Variants in GPC2 observed in about 807,000 individuals in gnomAD.
The protein encoded by GPC2 is glypican-2.
In GPC2, 42 loss-of-function variants were observed where a neutral mutation model predicts 57.3. That is an observed-to-expected ratio of 0.73 (90% CI 0.57 to 0.95). The LOEUF (loss-of-function observed/expected upper bound fraction) is 0.95, where lower values mean the gene tolerates loss of function less well. Among genes scored for constraint, GPC2 ranks in the 40% least tolerant of loss-of-function variants. The pLI is 0.00. For missense variants in GPC2, 745 were observed against 793.6 expected, an observed-to-expected ratio of 0.94 and a Z score of 0.74; for synonymous variants, 364 against 343.4, an observed-to-expected ratio of 1.06 and a Z score of -0.66.
chr7:100,171,314 G>A lies in GPC2; in HGVS notation c.1433C>T (p.Thr478Met), dbSNP rs1242645164. Residue 478 changes from threonine (T) to methionine (M), a missense_variant, in exon 9 of 10, where the codon ACG (threonine) becomes ATG (methionine). Around this residue, in one of 2 missense-constraint regions of GPC2, gnomAD observed 607 missense variants for 603.9 expected, o/e 1.01. Coordinates refer to ENST00000292377, the MANE Select transcript of GPC2 (RefSeq NM_152742.3). This position sits in a 1 kb window ranked among gnomAD's most constrained non-coding sequence, Gnocchi z 4.8. ...CAGTGCGGCCGTTTTCATTCTGGCC[G>A]TGGCCGCCCGGAGCTGTAGCCGACG... ...RRRRLQLRAA[T>M]ARMKTAALGH... is the part of the protein sequence containing the mutation. 2 of 1,543,590 alleles carry A rather than the reference G, an allele frequency of 1.3e-6. No individual in the cohort carries two copies. Among genetic ancestry groups the A allele is most frequent in the East Asian group, 5.1e-5 (2 of 39,296 alleles).
At chr7:100,174,999 G>T (rs1413265126) in intron 3 of GPC2, among the ~76,000 whole-genome samples, 1 of 152,094 alleles carries the variant, frequency 6.6e-6, no homozygotes. Flanking sequence ...GTTGTACAGG[G>T]CTTAGAGAGA....
chr7:100,172,338 A>C (rs1439650968), intron 5 of GPC2, 121 bp from the exon 6 acceptor site: 15 of 1,078,722 alleles, frequency 1.4e-5, no homozygotes, highest in Non-Finnish European at 1.7e-5. Context: ...AACTCACATG[A>C]GCTCCCTCTC....
rs1172484757 is a variant in GPC2, at chr7:100,171,576, C to G, written c.1273G>C (p.Glu425Gln). Residue 425 changes from glutamate (E) to glutamine (Q), a missense_variant, in exon 8 of 10, where the codon GAG (glutamate) becomes CAG (glutamine). Physicochemically the swap from Glu to Gln is conservative, Grantham distance 29 (BLOSUM62 2). Transcript: ENST00000292377. The surrounding 1 kb of genome is among the most constrained non-coding windows in gnomAD (Gnocchi z 4.8). ...GCTCCGGTCCAGCAGGGCGCCGCCT[C>G]CAGCGAGGCGTCCGCTGCCATGCGA... ...DSRMAADASL[E>Q]AAPCWTGAGR... The G allele has an allele frequency of 9.3e-6, 14 of 1,505,098 alleles. No individual in the cohort carries two copies. In the South Asian group the frequency reaches 1.4e-4, roughly 15 times the overall value. 93.2% of individuals were successfully genotyped at this position (1,505,098 alleles called of 1,614,324 possible).
At chr7:100,174,853 G>C in intron 3 of GPC2, 88 bp from the exon 4 acceptor site, 2 of 980,490 alleles carry the variant, frequency 2.0e-6, no homozygotes, top group Non-Finnish European at 1.6e-6. Flanking sequence ...CAAGAGCAGT[G>C]AGGGTTGGGT....
intron 1 of GPC2, 140 bp from the exon 2 acceptor site, chr7:100,176,505 A>C: frequency 1.3e-6 from 1 of 743,414 alleles, no homozygotes; most frequent in Non-Finnish European, 2.2e-6. Flanking sequence ...TCCCTACCTG[A>C]ACCTATCCCC....
intron 1 of GPC2, 68 bp from the exon 2 acceptor site, chr7:100,176,433 T>C: frequency 6.8e-7 from 1 of 1,463,066 alleles, no homozygotes; most frequent in South Asian, 1.2e-5. Flanking sequence ...TTCCCGCCTA[T>C]CTCTGGGGAC....
Position 100,172,200 on chromosome 7 carries a change from C to A in GPC2, c.910G>T (p.Ala304Ser), listed in dbSNP as rs1799191575. Residue 304 changes from alanine (A) to serine (S), a missense_variant, in exon 6 of 10, where the codon GCT becomes TCT. Around this residue, in one of 2 missense-constraint regions of GPC2, gnomAD observed 607 missense variants for 603.9 expected, o/e 1.01. Transcript: ENST00000292377. ...GNYLDGLLIL[A>S]DKLQGPFSFE... ...GAAAAGGGGCCCTGGAGCTTATCAG[C>A]CAGGATCAGGAGACCATCTTAAGGG... 1 of 1,613,862 alleles carries A rather than the reference C, an allele frequency of 6.2e-7. No individual in the cohort carries two copies. Among genetic ancestry groups the A allele is most frequent in the Non-Finnish European group, 8.5e-7 (1 of 1,179,972 alleles).
Position 100,173,999 on chromosome 7 carries a change from T to G in GPC2, c.730-2A>C, listed in dbSNP as rs781269078. 6.4e-7 allele frequency: 1 copy of G among 1,567,466 alleles called. No individual in the cohort carries two copies. On this transcript the variant is annotated splice_acceptor_variant, in intron 4 of 9. Transcript: ENST00000292377. LOFTEE classifies it high-confidence loss of function. ...GCTGCAGCCTTCAGACACCGGCACC[T>G]GGGGGCAGAGAGTGGGGCTGTGTCC...
intron 5 of GPC2, among the ~76,000 whole-genome samples, chr7:100,172,701 G>GTATATATATGTA (rs1035816750): frequency 3.5e-5 from 5 of 144,174 alleles, no homozygotes; most frequent in African/African-American, 1.3e-4. Flanking sequence ...ATATATACGT[G>GTATATATATGTA]TATATATATG....
rs1799160779 is a variant in GPC2 at position 100,170,536 on chromosome 7, CAG to C, written c.1487-55_1487-54del. The C allele has an allele frequency of 8.0e-6, 11 of 1,379,232 alleles. No individual in the cohort carries two copies. In the South Asian group the frequency reaches 1.9e-4, roughly 24 times the overall value. The allele number at this position is 1,379,232 out of a possible 1,614,324, so 85.4% of individuals were successfully genotyped here. ...GATGGGAGGGAGAAGCAGAGGGAGACAGAGGGAGGAAAAGAAATTGAGATAAA... is the reference window on the plus strand; with the variant it reads ...GATGGGAGGGAGAAGCAGAGGGAGACAGGGAGGAAAAGAAATTGAGATAAA... On this transcript the variant is annotated intron_variant, in intron 9 of 9. Coordinates refer to ENST00000292377, the MANE Select transcript of GPC2 (RefSeq NM_152742.3).
rs1431239553 is a variant in GPC2, at chr7:100,171,901, C to T, written c.1048G>A (p.Asp350Asn). The change falls in exon 7 of 10, where the codon GAC (aspartate) becomes AAC (asparagine). Residue 350 changes from aspartate to asparagine, a missense_variant. Coordinates refer to ENST00000292377, the MANE Select transcript of GPC2 (RefSeq NM_152742.3). The surrounding 1 kb of genome is among the most constrained non-coding windows in gnomAD (Gnocchi z 4.8). ...CGACGGTTGCGGGCAGGCACCGGGTCGGGGGGGCCGCACTCCTGAAACACC... is the reference window on the plus strand; with the variant it reads ...CGACGGTTGCGGGCAGGCACCGGGTTGGGGGGGCCGCACTCCTGAAACACC... ...AQVFQECGPPDPVPARNRRAP... is the reference protein window; with the variant it reads ...AQVFQECGPPNPVPARNRRAP... 4 of 1,497,792 alleles carry T rather than the reference C, an allele frequency of 2.7e-6. No homozygotes were observed. The East Asian group carries it at 7.3e-5, about 27-fold the overall frequency. 92.8% of individuals were successfully genotyped at this position (1,497,792 alleles called of 1,614,324 possible). A position where few individuals can be genotyped will look rare whatever the true frequency, so the allele number is the denominator to read the frequency against.
At chr7:100,174,189 G>A in intron 4 of GPC2, 192 bp from the exon 5 acceptor site, 2 of 530,766 alleles carry the variant, frequency 3.8e-6, no homozygotes, top group Non-Finnish European at 6.6e-6. Flanking sequence ...TTCGTGGGAG[G>A]GGTGGAAATA....
chr7:100,175,910 G>C lies in GPC2; in HGVS notation c.326-16C>G, dbSNP rs1170402548. 4 of 1,608,124 alleles carry C rather than the reference G, an allele frequency of 2.5e-6. No individual in the cohort carries two copies. Among genetic ancestry groups the C allele is most frequent in the Non-Finnish European group, 3.4e-6 (4 of 1,175,060 alleles). ...AGAAAAAACTCTGCAGCAAATGCAG[G>C]GAACAGGTGGAAGGCAGGTCAGGCC... On this transcript the variant is annotated splice_polypyrimidine_tract_variant and intron_variant, in intron 2 of 9. Coordinates refer to ENST00000292377, the MANE Select transcript of GPC2 (RefSeq NM_152742.3).
In GPC2 at chr7:100,170,352, C is replaced by T. The variant is rs1472525199; in HGVS notation, c.1618G>A (p.Gly540Arg). The T allele has an allele frequency of 6.2e-7, 1 of 1,613,510 alleles. No homozygotes were observed. ...PRRDGSGGKG[G>R]GGSARYNQGR... ...TGGTTGTAGCGGGCACTGCCACCTC[C>T]TCCTTTGCCCCCAGAACCATCCCTT... is the stretch of plus-strand genomic sequence containing the variant. Residue 540 changes from glycine (G) to arginine (R), a missense_variant, in exon 10 of 10, where the codon GGA becomes AGA. Gly to Arg is a moderately radical substitution (Grantham distance 125, BLOSUM62 -2). Around this residue, in one of 2 missense-constraint regions of GPC2, gnomAD observed 607 missense variants for 603.9 expected, o/e 1.01. Transcript: ENST00000292377.
Position 100,176,187 on chromosome 7 carries a change from TG to T in GPC2, c.325+19del. 6.3e-7 allele frequency: 1 copy of T among 1,584,994 alleles called. No homozygotes were observed. The highest frequency in any genetic ancestry group is 8.6e-7 in the Non-Finnish European group (1 of 1,164,376). On this transcript the variant is annotated intron_variant, in intron 2 of 9. Coordinates refer to ENST00000292377, the MANE Select transcript of GPC2 (RefSeq NM_152742.3). ...CCGAGAGGAGCTGTGAAGCTGAGTT[TG>T]GGGACCCCAGGTCCTCACCATCAAA...
rs776919334 is a variant in GPC2 at position 100,177,172 on chromosome 7, G to A, written c.28C>T (p.Leu10=). 1 of 1,613,770 alleles carries A rather than the reference G, an allele frequency of 6.2e-7. No homozygotes were observed. The highest frequency in any genetic ancestry group is 1.1e-5 in the South Asian group (1 of 91,010). MSALRPLLL[L]LLPLCPGPGP... ...GGACCGGGACACAGAGGCAGCAGCA[G>A]AAGCAGGAGAGGTCGCAGCGCGGAC... The change falls in exon 1 of 10, where the codon CTG becomes TTG. Residue 10 remains leucine (L), a synonymous_variant. Coordinates refer to ENST00000292377, the MANE Select transcript of GPC2 (RefSeq NM_152742.3).
intron 4 of GPC2, 171 bp from the exon 5 acceptor site, chr7:100,174,168 G>A (rs372509560): frequency 1.4e-5 from 8 of 557,694 alleles, no homozygotes; most frequent in African/African-American, 1.2e-4. Flanking sequence ...GTTCCAGGTT[G>A]CTGACTCTGA....
At chr7:100,173,097 C>G (rs2116984818) in intron 5 of GPC2, among the ~76,000 whole-genome samples, 1 of 152,182 alleles carries the variant, frequency 6.6e-6, no homozygotes, top group African/African-American at 2.4e-5. Context: ...TGGTCTCGAA[C>G]TCCTGACCTC....
intron 5 of GPC2, among the ~76,000 whole-genome samples, chr7:100,172,749 GTATATATATGTGTGTA>G (rs1455824462): frequency 9.9e-6 from 1 of 101,312 alleles, no homozygotes; most frequent in South Asian, 3.1e-4. Flanking sequence ...ATATATGTGT[GTATATATATGTGTGTA>G]TATATATATG....
Sources: gnomAD v4.1 joint callset for allele counts (sites outside exome capture counted in the v4.1 genomes callset) on GRCh38, gnomAD v4.1.1 for gene constraint, gnomAD v4.1.1 regional missense constraint, Gnocchi (gnomAD v3.1) non-coding constraint, MANE v1.5 for transcripts, NCBI Gene and HGNC (gene_info 2026-07-23, HGNC 2026-07-21) for gene names.